Variants in LPA observed in about 807,000 individuals in gnomAD.
LPA encodes lipoprotein(a).
A neutral mutation model predicts 197.9 loss-of-function variants in LPA; 199 were observed. That is an observed-to-expected ratio of 1.01 (90% CI 0.90 to 1.13). The LOEUF is 1.13. LPA is among the 50% of genes most tolerant of loss of function. The pLI is 0.00. For missense variants in LPA, 1,853 were observed against 1,785.8 expected, an observed-to-expected ratio of 1.04 and a Z score of -0.68; for synonymous variants, 715 against 639.5, an observed-to-expected ratio of 1.12 and a Z score of -1.78.
intron 28 of LPA, among the ~76,000 whole-genome samples, chr6:160,576,375 T>C (rs1176072883): frequency 3.8e-4 from 18 of 47,108 alleles, no homozygotes; most frequent in African/African-American, 1.3e-3. Flanking sequence ...TACATATATA[T>C]ATATATATAT....
chr6:160,596,759 C>T (rs1010763760), intron 20 of LPA, among the ~76,000 whole-genome samples: 1 of 152,186 alleles, frequency 6.6e-6, no homozygotes, highest in African/African-American at 2.4e-5. Flanking sequence ...CTAGACTACA[C>T]TTTGAGAATT....
At chr6:160,659,222 G>T (rs1204105447) in intron 1 of LPA, among the ~76,000 whole-genome samples, 3 of 152,140 alleles carry the variant, frequency 2.0e-5, no homozygotes, top group Non-Finnish European at 4.4e-5. Flanking sequence ...GGGGCAGCAG[G>T]GGCAGGGGCC....
intron 16 of LPA, among the ~76,000 whole-genome samples, chr6:160,610,777 C>T (rs1463705878): frequency 6.6e-6 from 1 of 152,126 alleles, no homozygotes; most frequent in Admixed American, 6.5e-5. Flanking sequence ...CTATTCAGTG[C>T]AGGAAGGGTA....
chr6:160,610,146 C>T (rs1453981440), intron 16 of LPA, among the ~76,000 whole-genome samples: 2 of 152,036 alleles, frequency 1.3e-5, no homozygotes, highest in South Asian at 4.1e-4. Flanking sequence ...ATTTTCTGGT[C>T]ATGGATCACA....
Position 160,558,005 on chromosome 6 carries a change from T to C in LPA, c.4632-434A>G, listed in dbSNP as rs111453606. On this transcript the variant is annotated intron_variant, in intron 28 of 38. Coordinates refer to ENST00000316300, the MANE Select transcript of LPA (RefSeq NM_005577.4). Reference sequence around the variant, plus strand: ...CGCAATCTCGGCTCACTGCAAGGTCTGCCTCCTGGGTTCAAGCCATTCTCC... The same window carrying C: ...CGCAATCTCGGCTCACTGCAAGGTCCGCCTCCTGGGTTCAAGCCATTCTCC... Among the ~76,000 whole-genome samples, 548 of 151,998 alleles carry C rather than the reference T, an allele frequency of 3.6e-3. 1 individual carries two copies. The highest frequency in any genetic ancestry group is 9.8e-3 in the African/African-American group (408 of 41,454).
chr6:160,593,192 C>T (rs961095773), intron 22 of LPA, among the ~76,000 whole-genome samples: 1 of 152,160 alleles, frequency 6.6e-6, no homozygotes, highest in Non-Finnish European at 1.5e-5. Flanking sequence ...TGGGCTCCAT[C>T]TGCTTGCCCT....
At chr6:160,651,893 T>C (rs574934143) in intron 1 of LPA, among the ~76,000 whole-genome samples, 4 of 151,990 alleles carry the variant, frequency 2.6e-5, no homozygotes, top group African/African-American at 9.6e-5. Flanking sequence ...ATATCAGAGA[T>C]GAAGAATTCT....
intron 28 of LPA, among the ~76,000 whole-genome samples, chr6:160,561,528 T>C (rs1778361857): frequency 1.3e-5 from 2 of 152,260 alleles, no homozygotes; most frequent in African/African-American, 4.8e-5. Context: ...TTTGTTCTTT[T>C]TGCTTAGGTT....
At chr6:160,573,478 T>C (rs1778599343) in intron 28 of LPA, among the ~76,000 whole-genome samples, 1 of 152,144 alleles carries the variant, frequency 6.6e-6, no homozygotes, top group South Asian at 2.1e-4. Flanking sequence ...CCATTGCTGG[T>C]GAACTGGGAG....
intron 28 of LPA, among the ~76,000 whole-genome samples, chr6:160,576,385 T>C (rs1184169269): frequency 1.6e-5 from 1 of 63,012 alleles, no homozygotes; most frequent in African/African-American, 1.1e-4. Flanking sequence ...TATATATATA[T>C]ATATGTATAT....
chr6:160,570,628 G>T lies in LPA; in HGVS notation c.4631+6508C>A, dbSNP rs546045258. ...GTGCACATGTACCCTAGAACTTAAA[G>T]TATAATAATAGTAAAAAAGAATGTT... is the stretch of plus-strand genomic sequence containing the variant. On this transcript the variant is annotated intron_variant, in intron 28 of 38. Coordinates refer to ENST00000316300, the MANE Select transcript of LPA (RefSeq NM_005577.4). 3.3e-5 allele frequency among the ~76,000 whole-genome samples: 5 copies of T among 152,270 alleles called. No homozygotes were observed. In the East Asian group the frequency reaches 9.7e-4, roughly 29 times the overall value.
chr6:160,543,727 T>TA (rs1237273636), intron 33 of LPA, among the ~76,000 whole-genome samples: 2 of 152,280 alleles, frequency 1.3e-5, no homozygotes, highest in Non-Finnish European at 2.9e-5. Flanking sequence ...ACCCTACTCC[T>TA]ACTATTCAAA....
intron 28 of LPA, among the ~76,000 whole-genome samples, chr6:160,568,408 T>C (rs1488626741): frequency 1.3e-5 from 2 of 152,216 alleles, no homozygotes; most frequent in Admixed American, 6.5e-5. Flanking sequence ...TCTCAATAGA[T>C]GCAGAAAAGG....
intron 7 of LPA, among the ~76,000 whole-genome samples, chr6:160,634,898 C>A (rs1235779660): frequency 6.7e-6 from 1 of 150,166 alleles, no homozygotes; most frequent in Non-Finnish European, 1.5e-5. Flanking sequence ...AGCCCATCAC[C>A]CTGGAAGGTT....
intron 37 of LPA, among the ~76,000 whole-genome samples, 157 bp from the exon 38 acceptor site, chr6:160,532,806 A>C (rs1777827081): frequency 6.6e-6 from 1 of 152,202 alleles, no homozygotes; most frequent in Non-Finnish European, 1.5e-5. Context: ...CTGACCCATT[A>C]AAGTGCAAAT....
At chr6:160,542,595 TG>T (rs1173455826) in intron 34 of LPA, 92 bp downstream of exon 34, 41 of 1,573,938 alleles carry the variant, frequency 2.6e-5, no homozygotes, top group Non-Finnish European at 3.3e-5. Context: ...CAGGTATTGA[TG>T]CATCAGCTGT....
In LPA at chr6:160,652,728, T is replaced by C. The variant is rs939929663; in HGVS notation, c.50-2231A>G. Among the ~76,000 whole-genome samples the C allele has an allele frequency of 2.6e-5, 4 of 152,086 alleles. No homozygotes were observed. The South Asian group carries it at 8.3e-4, about 32-fold the overall frequency. On this transcript the variant is annotated intron_variant, in intron 1 of 38. Transcript: ENST00000316300. ...TCAATGTATTATGAGAGCTATAACA[T>C]AATAGAAGTAAGCCTCTATTACAAA...
Position 160,611,516 on chromosome 6 carries a change from C to T in LPA, c.2603+46G>A, listed in dbSNP as rs572379041. On this transcript the variant is annotated intron_variant, in intron 16 of 38. Transcript: ENST00000316300. ...TGAAGCATGTCTCTTGTCACAGAAA[C>T]TTCAGTTGGCCCTTTATTCTCTTAT... The T allele has an allele frequency of 1.9e-5, 31 of 1,604,436 alleles. 1 individual carries two copies. Among genetic ancestry groups the T allele is most frequent in the Non-Finnish European group, 2.6e-5 (31 of 1,177,830 alleles).
intron 4 of LPA, among the ~76,000 whole-genome samples, chr6:160,643,201 A>AT (rs374138236): frequency 3.1e-5 from 4 of 128,898 alleles, no homozygotes; most frequent in South Asian, 2.6e-4. Flanking sequence ...CCATACAGTA[A>AT]TTTTTTTCAA....
Sources: allele counts gnomAD v4.1 joint callset (sites outside exome capture counted in the v4.1 genomes callset), GRCh38; gene constraint gnomAD v4.1.1; transcripts MANE v1.5; gene names NCBI Gene and HGNC (gene_info 2026-07-23, HGNC 2026-07-21).